Variants in IL1RAPL2 observed in about 807,000 individuals in gnomAD.
The protein encoded by IL1RAPL2 is X-linked interleukin-1 receptor accessory protein-like 2.
Under a neutral mutation model 44.1 loss-of-function variants are expected in IL1RAPL2, and 3 were observed. That is an observed-to-expected ratio of 0.07 (90% CI 0.03 to 0.18). The LOEUF (loss-of-function observed/expected upper bound fraction) is 0.18, where lower values mean the gene tolerates loss of function less well. Among genes scored for constraint, IL1RAPL2 ranks in the 10% least tolerant of loss-of-function variants. The pLI, the probability that IL1RAPL2 is intolerant of heterozygous loss-of-function variation, is 1.00. For missense variants in IL1RAPL2, 391 were observed against 496.4 expected (o/e 0.79, Z 2.02); for synonymous variants, 181 against 178.8 (o/e 1.01, Z -0.10).
At chrX:105,357,922 A>G (rs1885483553) in intron 5 of IL1RAPL2, among the ~76,000 whole-genome samples, 1 of 106,594 alleles carries the variant, frequency 9.4e-6, no homozygotes, top group African/African-American at 3.4e-5. Flanking sequence ...AGGCATGAGG[A>G]GCTAGAGGAG....
At chrX:105,196,444 TG>T (rs2147612735) in intron 3 of IL1RAPL2, among the ~76,000 whole-genome samples, 1 of 111,538 alleles carries the variant, frequency 9.0e-6, no homozygotes, top group Admixed American at 9.5e-5. Flanking sequence ...ATTTTGGCCA[TG>T]GTCTTGCCTT....
intron 6 of IL1RAPL2, among the ~76,000 whole-genome samples, chrX:105,589,292 T>C (rs1257722079): frequency 9.0e-6 from 1 of 111,573 alleles, no homozygotes; most frequent in Non-Finnish European, 1.9e-5. Flanking sequence ...TAGACCTTTG[T>C]CAGTTTCTTA....
intron 6 of IL1RAPL2, among the ~76,000 whole-genome samples, chrX:105,661,564 A>G: frequency 8.9e-6 from 1 of 112,586 alleles, no homozygotes; most frequent in East Asian, 2.8e-4. Flanking sequence ...AGTTGAAATT[A>G]TATTCAGAAT....
intron 2 of IL1RAPL2, among the ~76,000 whole-genome samples, chrX:104,860,545 G>A: frequency 9.0e-6 from 1 of 111,331 alleles, no homozygotes; most frequent in South Asian, 3.8e-4. Context: ...ACAGGTTAAA[G>A]TATCCCTTAT....
At chrX:105,088,668 T>C (rs1393106677) in intron 2 of IL1RAPL2, among the ~76,000 whole-genome samples, 1 of 111,738 alleles carries the variant, frequency 8.9e-6, no homozygotes, top group East Asian at 2.8e-4. Context: ...ATGTTGGGAT[T>C]AGAACAGTCT....
chrX:105,737,109 C>T (rs767725208), intron 7 of IL1RAPL2, among the ~76,000 whole-genome samples: 13 of 111,287 alleles, frequency 1.2e-4, no homozygotes, highest in Non-Finnish European at 1.5e-4. Context: ...AGCCATTATC[C>T]TAAGTGAACT....
intron 2 of IL1RAPL2, among the ~76,000 whole-genome samples, chrX:104,729,906 C>T (rs1015085251): frequency 1.1e-4 from 12 of 110,805 alleles, no homozygotes; most frequent in Admixed American, 3.9e-4. Context: ...ACTGTATGCT[C>T]TTGACCAGGG....
intron 7 of IL1RAPL2, among the ~76,000 whole-genome samples, chrX:105,726,994 A>C (rs1030061349): frequency 2.7e-5 from 3 of 109,969 alleles, no homozygotes; most frequent in Non-Finnish European, 5.7e-5. Context: ...GGGAGGGGGG[A>C]GCAAATAACA....
chrX:104,637,511 G>GTT (rs941213890), intron 1 of IL1RAPL2, among the ~76,000 whole-genome samples: 3 of 102,180 alleles, frequency 2.9e-5, no homozygotes, highest in African/African-American at 3.5e-5. Context: ...TTTGTTGAGA[G>GTT]TTTTTTTTTT....
rs141075723 is a variant in IL1RAPL2, at chrX:105,176,749, C to T, written c.83-18726C>T. 3.5e-3 allele frequency among the ~76,000 whole-genome samples: 383 copies of T among 110,530 alleles called. 14 individuals are homozygous for T. The East Asian group carries it at 0.077, about 22-fold the overall frequency. ...AGGAGGAGTCCTCCCTCTTTCATTA[C>T]CACCCCTCCTTGACATTAACCTGGG... On this transcript the variant is annotated intron_variant, in intron 2 of 10. Coordinates refer to ENST00000372582, the MANE Select transcript of IL1RAPL2 (RefSeq NM_017416.2).
At chrX:105,700,376 A>C in intron 6 of IL1RAPL2, among the ~76,000 whole-genome samples, 1 of 112,207 alleles carries the variant, frequency 8.9e-6, no homozygotes, top group Non-Finnish European at 1.9e-5. Flanking sequence ...AGAAGCTTAG[A>C]CATCATCTGA....
chrX:105,387,608 G>A (rs1427719133), intron 5 of IL1RAPL2, among the ~76,000 whole-genome samples: 2 of 111,308 alleles, frequency 1.8e-5, no homozygotes, highest in Non-Finnish European at 3.8e-5. Context: ...TTTTATTTAT[G>A]CAATCACATG....
At chrX:105,509,466 A>T (rs1249926993) in intron 6 of IL1RAPL2, among the ~76,000 whole-genome samples, 1 of 112,266 alleles carries the variant, frequency 8.9e-6, no homozygotes, top group African/African-American at 3.2e-5. Flanking sequence ...CTTCATTGGT[A>T]GCCTCTGGCT....
chrX:104,767,095 T>G (rs1437371416), intron 2 of IL1RAPL2, among the ~76,000 whole-genome samples: 1 of 111,927 alleles, frequency 8.9e-6, no homozygotes, highest in Non-Finnish European at 1.9e-5. Context: ...CATTCTCCAC[T>G]TTTTTCCTGA....
chrX:105,660,163 C>T (rs2037709307), intron 6 of IL1RAPL2, among the ~76,000 whole-genome samples: 1 of 111,147 alleles, frequency 9.0e-6, no homozygotes, highest in South Asian at 3.8e-4. Context: ...AAAAGAGCTT[C>T]AGTATGTTCT....
chrX:105,303,075 T>C (rs2034708829), intron 5 of IL1RAPL2, among the ~76,000 whole-genome samples: 2 of 111,806 alleles, frequency 1.8e-5, no homozygotes, highest in Admixed American at 1.9e-4. Flanking sequence ...CCCAAACCAC[T>C]TGATTCTCTC....
At chrX:105,333,493 C>T (rs1315576188) in intron 5 of IL1RAPL2, among the ~76,000 whole-genome samples, 1 of 111,313 alleles carries the variant, frequency 9.0e-6, no homozygotes, top group Non-Finnish European at 1.9e-5. Flanking sequence ...GCACAGGCAA[C>T]CAATGCAAAA....
At position 105,313,492 on chromosome X, in the gene IL1RAPL2, G is replaced by T. The variant is rs901196452; in HGVS notation, c.697+45951G>T. The stretch of plus-strand genomic sequence containing the variant: ...AGCAGAGAAAAATTAGAGTTGTAAG[G>T]TCTATTGATGCATCTTGGTAAGAAC... On this transcript the variant is annotated intron_variant, in intron 5 of 10. Coordinates refer to ENST00000372582, the MANE Select transcript of IL1RAPL2 (RefSeq NM_017416.2). 2.7e-5 allele frequency among the ~76,000 whole-genome samples: 3 copies of T among 111,177 alleles called. No homozygotes were observed. The Admixed American group carries it at 2.9e-4, about 11-fold the overall frequency.
intron 6 of IL1RAPL2, among the ~76,000 whole-genome samples, chrX:105,550,541 C>T (rs936249617): frequency 8.9e-6 from 1 of 111,857 alleles, no homozygotes; most frequent in African/African-American, 3.3e-5. Flanking sequence ...GTCCCTTACC[C>T]TGAAGTCATC....
Sources: allele counts gnomAD v4.1 joint callset (sites outside exome capture counted in the v4.1 genomes callset), GRCh38; gene constraint gnomAD v4.1.1; transcripts MANE v1.5; gene names NCBI Gene and HGNC (gene_info 2026-07-23, HGNC 2026-07-21).